The following CTNNA3 variants were observed in gnomAD, a reference collection of about 807,000 sequenced individuals.
The protein encoded by CTNNA3 is catenin alpha-3.
Under a neutral mutation model 95.7 loss-of-function variants are expected in CTNNA3, and 76 were observed. The observed-to-expected ratio is 0.79, with a 90% confidence interval of 0.66 to 0.96. The LOEUF (loss-of-function observed/expected upper bound fraction) is 0.96. Among genes scored for constraint, CTNNA3 ranks in the 40% least tolerant of loss-of-function variants. The pLI, the probability that CTNNA3 is intolerant of heterozygous loss-of-function variation, is 0.00. For missense variants in CTNNA3, 1,191 were observed against 1,089.8 expected (o/e 1.09, Z -1.31); for synonymous variants, 431 against 374.4 (o/e 1.15, Z -1.74).
intron 15 of CTNNA3, among the ~76,000 whole-genome samples, chr10:66,027,522 A>G (rs1589265321): frequency 6.6e-6 from 1 of 152,108 alleles, no homozygotes; most frequent in South Asian, 2.1e-4. Context: ...GTAATTTTTC[A>G]TCTTGTGAAT....
chr10:67,750,182 C>A, intron 1 of CTNNA3: 2 of 1,226,134 alleles, frequency 1.6e-6, no homozygotes, highest in East Asian at 2.4e-5. Flanking sequence ...TGGCTTCATT[C>A]TTGAAGTCAG....
intron 14 of CTNNA3, among the ~76,000 whole-genome samples, chr10:66,078,437 G>A (rs1054708422): frequency 2.0e-5 from 3 of 151,778 alleles, no homozygotes; most frequent in Non-Finnish European, 2.9e-5. Flanking sequence ...TTCATAAAAT[G>A]ACTTCCAGAC....
At chr10:66,980,254 T>C (rs1044853028) in intron 7 of CTNNA3, among the ~76,000 whole-genome samples, 1 of 152,200 alleles carries the variant, frequency 6.6e-6, no homozygotes. Flanking sequence ...TAGAGACCAC[T>C]GTGTTCCTTG....
chr10:67,592,456 C>T (rs948676971), intron 3 of CTNNA3, among the ~76,000 whole-genome samples: 3 of 152,012 alleles, frequency 2.0e-5, no homozygotes, highest in Non-Finnish European at 2.9e-5. Flanking sequence ...CTCTTCCACT[C>T]GCCGAACTAT....
chr10:66,767,762 TAATA>T (rs939040323), intron 8 of CTNNA3, among the ~76,000 whole-genome samples: 23 of 152,164 alleles, frequency 1.5e-4, no homozygotes, highest in African/African-American at 5.3e-4. Flanking sequence ...GATCATAGAA[TAATA>T]AATCCATAAT....
intron 12 of CTNNA3, among the ~76,000 whole-genome samples, chr10:66,338,099 A>G (rs1384020902): frequency 6.6e-6 from 1 of 152,096 alleles, no homozygotes; most frequent in Non-Finnish European, 1.5e-5. Context: ...ATATCTGCAC[A>G]ATGGACTATT....
intron 7 of CTNNA3, among the ~76,000 whole-genome samples, chr10:66,901,582 A>C (rs1845746372): frequency 6.6e-6 from 1 of 152,228 alleles, no homozygotes; most frequent in African/African-American, 2.4e-5. Flanking sequence ...ACAGACTGGC[A>C]AATTGGATAA....
chr10:66,897,006 G>A (rs1845519996), intron 7 of CTNNA3, among the ~76,000 whole-genome samples: 1 of 152,142 alleles, frequency 6.6e-6, no homozygotes, highest in Non-Finnish European at 1.5e-5. Flanking sequence ...AAGCTGTGGT[G>A]TATTAATCTT....
chr10:67,221,603 C>T (rs1344979088), intron 5 of CTNNA3, among the ~76,000 whole-genome samples: 4 of 151,938 alleles, frequency 2.6e-5, no homozygotes, highest in Admixed American at 6.6e-5. Context: ...ATGACAGAGT[C>T]GCGCTCTGTC....
intron 7 of CTNNA3, among the ~76,000 whole-genome samples, chr10:66,948,113 C>T (rs1360442225): frequency 2.6e-5 from 4 of 152,112 alleles, no homozygotes; most frequent in Non-Finnish European, 5.9e-5. Context: ...GTGGGATCAC[C>T]ATCATATATG....
intron 9 of CTNNA3, among the ~76,000 whole-genome samples, chr10:66,662,742 T>C (rs1365288155): frequency 6.6e-6 from 1 of 152,048 alleles, no homozygotes; most frequent in Non-Finnish European, 1.5e-5. Context: ...ATAGATTATT[T>C]CCATCAGCAT....
At chr10:67,271,736 A>G (rs910455931) in intron 5 of CTNNA3, among the ~76,000 whole-genome samples, 1 of 152,212 alleles carries the variant, frequency 6.6e-6, no homozygotes, top group African/African-American at 2.4e-5. Context: ...GGCATCCAGT[A>G]GTAGAAGTAA....
chr10:66,397,910 T>C (rs1456322113), intron 11 of CTNNA3, among the ~76,000 whole-genome samples: 1 of 151,772 alleles, frequency 6.6e-6, no homozygotes, highest in African/African-American at 2.4e-5. Context: ...CCTGGGTGAT[T>C]GTGGGAGTAG....
At chr10:67,051,699 C>T (rs1301639520) in intron 7 of CTNNA3, among the ~76,000 whole-genome samples, 6 of 146,176 alleles carry the variant, frequency 4.1e-5, no homozygotes, top group Admixed American at 6.8e-5. Flanking sequence ...CCACTGCACT[C>T]GGCCCACACA....
At chr10:66,115,660 T>C (rs1047368811) in intron 13 of CTNNA3, among the ~76,000 whole-genome samples, 4 of 151,412 alleles carry the variant, frequency 2.6e-5, no homozygotes, top group African/African-American at 9.7e-5. Context: ...CGATGTCTTT[T>C]ACTTTCAGAA....
At chr10:67,307,931 G>T (rs940121892) in intron 5 of CTNNA3, among the ~76,000 whole-genome samples, 1 of 152,134 alleles carries the variant, frequency 6.6e-6, no homozygotes, top group Non-Finnish European at 1.5e-5. Flanking sequence ...CAAAAAGAAA[G>T]AGTCTTATTA....
chr10:66,645,244 C>G (rs781458083), intron 9 of CTNNA3, among the ~76,000 whole-genome samples: 2 of 152,078 alleles, frequency 1.3e-5, no homozygotes, highest in Non-Finnish European at 2.9e-5. Context: ...TAAATTCACA[C>G]TTCATGATTG....
chr10:66,408,466 A>G (rs1159201709), intron 11 of CTNNA3, among the ~76,000 whole-genome samples: 1 of 152,134 alleles, frequency 6.6e-6, no homozygotes, highest in Non-Finnish European at 1.5e-5. Context: ...TTGGCACACA[A>G]GGTCTTGTTA....
At chr10:67,705,645 G>A in intron 1 of CTNNA3, among the ~76,000 whole-genome samples, 1 of 112,468 alleles carries the variant, frequency 8.9e-6, no homozygotes, top group African/African-American at 3.3e-5. Context: ...GGGGGAGGGG[G>A]GAGGGATAGC....
Sources: gnomAD v4.1 joint callset for allele counts (sites outside exome capture counted in the v4.1 genomes callset) on GRCh38, gnomAD v4.1.1 for gene constraint, MANE v1.5 for transcripts, NCBI Gene and HGNC (gene_info 2026-07-23, HGNC 2026-07-21) for gene names.